Variants in GFRAL observed in about 807,000 individuals in gnomAD.
The protein encoded by GFRAL is GDNF family receptor alpha like.
GFRAL carries 36 observed loss-of-function variants against 45.4 expected under a neutral mutation model. That is an observed-to-expected ratio of 0.79 (90% CI 0.61 to 1.05). The LOEUF (loss-of-function observed/expected upper bound fraction) is 1.05, where lower values mean the gene tolerates loss of function less well. GFRAL is among the 50% of genes least tolerant of loss of function. The pLI is 0.00. For synonymous variants in GFRAL, 166 were observed against 154.1 expected (o/e 1.08, Z -0.57); for missense variants, 507 against 467.5 (o/e 1.08, Z -0.78).
chr6:55,351,390 G>A lies in GFRAL; in HGVS notation c.508G>A (p.Ala170Thr), dbSNP rs1562052993. The change falls in exon 5 of 9, where the codon GCC becomes ACC. Residue 170 changes from alanine to threonine, a missense_variant. By Grantham distance (58) the Ala-to-Thr change is moderately conservative (BLOSUM62 0). Transcript: ENST00000340465. The part of the protein sequence containing the change: ...NPCDLKQCQA[A>T]IRFFYQNIPF... ...GTGTGATCTGAAACAGTGCCAAGCA[G>A]CCATACGGTTCTTCTATCAAAATAT... is the stretch of plus-strand genomic sequence containing the variant. The A allele has an allele frequency of 1.4e-5, 23 of 1,613,716 alleles. No individual in the cohort carries two copies. The highest frequency in any genetic ancestry group is 1.9e-5 in the Non-Finnish European group (23 of 1,179,764).
In GFRAL at chr6:55,363,724, G is replaced by A. The variant is rs1314646519; in HGVS notation, c.952+4586G>A. On this transcript the variant is annotated intron_variant, in intron 6 of 8. Transcript: ENST00000340465. ...GTTCTTGCGATAGTTTACTGAGAAT[G>A]ATGATTTCCAATTTCATCCATGTCC... Among the ~76,000 whole-genome samples the A allele has an allele frequency of 1.0e-3, 153 of 151,140 alleles. 1 individual carries two copies. The highest frequency in any genetic ancestry group is 1.2e-4 in the Non-Finnish European group (8 of 67,834).
In GFRAL at chr6:55,374,234, CA is replaced by C. The variant is rs1330378905; in HGVS notation, c.952+15098del. Reference sequence around the variant, plus strand: ...TATCCATGCACATATCTTTATAATACAATGATTTATATTCCTTTGAGTATAT... The same window carrying C: ...TATCCATGCACATATCTTTATAATACATGATTTATATTCCTTTGAGTATAT... On this transcript the variant is annotated intron_variant, in intron 6 of 8. Coordinates refer to ENST00000340465, the MANE Select transcript of GFRAL (RefSeq NM_207410.2). 7.2e-5 allele frequency among the ~76,000 whole-genome samples: 11 copies of C among 152,184 alleles called. No individual in the cohort carries two copies. The South Asian group carries it at 1.0e-3, about 14-fold the overall frequency.
intron 6 of GFRAL, among the ~76,000 whole-genome samples, chr6:55,361,386 TCCTCCCATATACTTTAAATAATATCTA>T (rs1231811091): frequency 3.3e-5 from 5 of 152,002 alleles, no homozygotes; most frequent in Non-Finnish European, 7.4e-5. Context: ...CCTATGTATA[TCCTCCCATATACTTTAAATAATATCTA>T]GAATACTTAT....
At chr6:55,366,157 G>A (rs1002309469) in intron 6 of GFRAL, among the ~76,000 whole-genome samples, 31 of 151,860 alleles carry the variant, frequency 2.0e-4, no homozygotes, top group African/African-American at 7.0e-4. Flanking sequence ...CATCTTCCTG[G>A]TTTAGTCTTG....
intron 3 of GFRAL, among the ~76,000 whole-genome samples, chr6:55,337,815 T>A: frequency 6.6e-6 from 1 of 152,184 alleles, no homozygotes; most frequent in East Asian, 1.9e-4. Context: ...ATTTGTATAA[T>A]TTGTGTCCTT....
intron 3 of GFRAL, among the ~76,000 whole-genome samples, chr6:55,343,344 A>C (rs1331062119): frequency 6.6e-6 from 1 of 152,222 alleles, no homozygotes; most frequent in Non-Finnish European, 1.5e-5. Flanking sequence ...ACCACGGTGC[A>C]ATCAAACTAG....
intron 6 of GFRAL, among the ~76,000 whole-genome samples, chr6:55,385,200 T>C (rs529517382): frequency 1.3e-5 from 2 of 152,218 alleles, no homozygotes; most frequent in Non-Finnish European, 2.9e-5. Flanking sequence ...AAAATAATTA[T>C]CCCATTTGAC....
chr6:55,337,294 C>T (rs1054573014), intron 3 of GFRAL, among the ~76,000 whole-genome samples: 3 of 152,068 alleles, frequency 2.0e-5, no homozygotes, highest in Non-Finnish European at 1.5e-5. Context: ...GTGTATTATT[C>T]TTTTTGTATT....
chr6:55,383,290 A>G (rs564156783), intron 6 of GFRAL, among the ~76,000 whole-genome samples: 1 of 148,158 alleles, frequency 6.7e-6, no homozygotes, highest in East Asian at 1.9e-4. Flanking sequence ...AATTACCTCA[A>G]CAATTTCTTG....
At chr6:55,327,815 T>C (rs1767785018) in intron 1 of GFRAL, among the ~76,000 whole-genome samples, 2 of 152,060 alleles carry the variant, frequency 1.3e-5, no homozygotes, top group Non-Finnish European at 1.5e-5. Context: ...CTCAGCTTGT[T>C]TCTGTTTTAT....
At chr6:55,390,313 T>G (rs1037976985) in intron 6 of GFRAL, among the ~76,000 whole-genome samples, 1 of 152,324 alleles carries the variant, frequency 6.6e-6, no homozygotes, top group African/African-American at 2.4e-5. Flanking sequence ...TACACTAACA[T>G]GCAATTGTCA....
chr6:55,350,113 T>G lies in GFRAL; in HGVS notation c.338T>G (p.Phe113Cys). The G allele has an allele frequency of 1.9e-6, 3 of 1,541,502 alleles. No homozygotes were observed. The highest frequency in any genetic ancestry group is 9.0e-7 in the Non-Finnish European group (1 of 1,115,308). Residue 113 changes from phenylalanine (F) to cysteine (C), a missense_variant, in exon 4 of 9, where the codon TTC becomes TGC. Physicochemically the swap from Phe to Cys is radical, Grantham distance 205. Transcript: ENST00000340465. ...CTAGATAACGTGAAAGAGGATAAAT[T>G]CAAATGGAATCTAACTACACGTTCC... ...NKSDNVKEDKFKWNLTTRSHH... is the reference protein window; with the variant it reads ...NKSDNVKEDKCKWNLTTRSHH...
At chr6:55,389,075 A>G (rs1361572445) in intron 6 of GFRAL, among the ~76,000 whole-genome samples, 7 of 151,962 alleles carry the variant, frequency 4.6e-5, no homozygotes, top group Non-Finnish European at 7.4e-5. Flanking sequence ...TATGCTTTAC[A>G]TGTTTTTGTT....
chr6:55,379,209 A>G (rs1768574139), intron 6 of GFRAL, among the ~76,000 whole-genome samples: 1 of 151,934 alleles, frequency 6.6e-6, no homozygotes, highest in African/African-American at 2.4e-5. Context: ...AAGGTTTGTT[A>G]CGTAGGTAAA....
intron 6 of GFRAL, among the ~76,000 whole-genome samples, chr6:55,375,678 A>T (rs1232489987): frequency 6.6e-6 from 1 of 152,068 alleles, no homozygotes; most frequent in Non-Finnish European, 1.5e-5. Flanking sequence ...AAGAAAGGGC[A>T]ACCTTGTCTT....
intron 3 of GFRAL, among the ~76,000 whole-genome samples, chr6:55,344,408 C>T (rs968654660): frequency 4.6e-5 from 7 of 151,980 alleles, no homozygotes; most frequent in Non-Finnish European, 7.4e-5. Context: ...ATAAACATAA[C>T]CCAGCATATA....
In GFRAL at chr6:55,333,942, C is replaced by T. The variant is rs749227939; in HGVS notation, c.314C>T (p.Ser105Leu). Residue 105 changes from serine (S) to leucine (L), a missense_variant and splice_region_variant, in exon 3 of 9, where the codon TCA becomes TTA. By Grantham distance (145) the Ser-to-Leu change is moderately radical. Coordinates refer to ENST00000340465, the MANE Select transcript of GFRAL (RefSeq NM_207410.2). ...KLLGKKCINKSDNVKEDKFKW... is the reference protein window; with the variant it reads ...KLLGKKCINKLDNVKEDKFKW... The stretch of plus-strand genomic sequence containing the variant: ...CTTGGAAAAAAATGTATCAATAAAT[C>T]AGGTAATATTTTGTTTTAAGAAATG... 1 of 1,509,422 alleles carries T rather than the reference C, an allele frequency of 6.6e-7. No individual in the cohort carries two copies. The highest frequency in any genetic ancestry group is 8.9e-7 in the Non-Finnish European group (1 of 1,121,020). The allele number at this position is 1,509,422 out of a possible 1,614,324, so 93.5% of individuals were successfully genotyped here. A position where few individuals can be genotyped will look rare whatever the true frequency, so the allele number is the denominator to read the frequency against.
At chr6:55,330,393 A>G (rs892150796) in intron 1 of GFRAL, among the ~76,000 whole-genome samples, 4 of 152,136 alleles carry the variant, frequency 2.6e-5, no homozygotes, top group African/African-American at 9.7e-5. Context: ...ACATGAATAT[A>G]TACACTACAG....
intron 5 of GFRAL, 116 bp from the exon 6 acceptor site, chr6:55,358,772 G>C: frequency 1.1e-6 from 1 of 875,002 alleles, no homozygotes; most frequent in East Asian, 2.6e-5. Context: ...TTTCAACTAT[G>C]TACTGGCATC....
Sources: gnomAD v4.1 joint callset for allele counts (sites outside exome capture counted in the v4.1 genomes callset) on GRCh38, gnomAD v4.1.1 for gene constraint, MANE v1.5 for transcripts, NCBI Gene and HGNC (gene_info 2026-07-23, HGNC 2026-07-21) for gene names.